Variants in NKAIN2 observed in about 807,000 individuals in gnomAD.
NKAIN2 encodes sodium/potassium transporting ATPase interacting 2.
Under a neutral mutation model 32.6 loss-of-function variants are expected in NKAIN2, and 14 were observed. That is an observed-to-expected ratio of 0.43 (90% confidence interval 0.28 to 0.67). NKAIN2 has a LOEUF of 0.67. Ranked by LOEUF, NKAIN2 falls within the 30% of genes least tolerant of loss-of-function variation. NKAIN2 has a pLI of 0.17. For synonymous variants in NKAIN2, 80 were observed against 87.2 expected (o/e 0.92, Z 0.46); for missense variants, 198 against 258.3 (o/e 0.77, Z 1.60).
chr6:124,717,587 T>G (rs970940111), intron 4 of NKAIN2, among the ~76,000 whole-genome samples: 1 of 152,144 alleles, frequency 6.6e-6, no homozygotes, highest in African/African-American at 2.4e-5. Context: ...AATTCCAGAA[T>G]GACAATAACA....
intron 3 of NKAIN2, among the ~76,000 whole-genome samples, chr6:124,411,510 C>T (rs1562166296): frequency 6.6e-6 from 1 of 152,142 alleles, no homozygotes; most frequent in Non-Finnish European, 1.5e-5. Flanking sequence ...AATATTGGCC[C>T]CCAGTCTCTT....
chr6:124,724,705 T>C (rs1776189944), intron 4 of NKAIN2, among the ~76,000 whole-genome samples: 1 of 152,258 alleles, frequency 6.6e-6, no homozygotes, highest in African/African-American at 2.4e-5. Flanking sequence ...ATGAGGATTA[T>C]GTTTCATTAA....
intron 1 of NKAIN2, among the ~76,000 whole-genome samples, chr6:124,024,943 C>T (rs148617209): frequency 2.2e-3 from 330 of 151,590 alleles, no homozygotes; most frequent in Middle Eastern, 0.017. Flanking sequence ...GCCAGGATGG[C>T]GCCACTGCTC....
At chr6:124,092,461 T>G (rs979439592) in intron 1 of NKAIN2, among the ~76,000 whole-genome samples, 3 of 152,122 alleles carry the variant, frequency 2.0e-5, no homozygotes, top group Admixed American at 2.0e-4. Context: ...TTCCTGTTGA[T>G]TTTTAAAAGG....
chr6:124,233,463 G>A (rs893396253), intron 1 of NKAIN2, among the ~76,000 whole-genome samples: 4 of 152,130 alleles, frequency 2.6e-5, no homozygotes, highest in African/African-American at 9.6e-5. Context: ...TGCTGCCAAA[G>A]CAAGATAACT....
intron 1 of NKAIN2, among the ~76,000 whole-genome samples, chr6:124,205,442 A>G (rs74760291): frequency 1.3e-5 from 2 of 151,798 alleles, no homozygotes; most frequent in East Asian, 3.9e-4. Context: ...TTCCTCATGC[A>G]TTTCTGAATA....
At chr6:123,965,987 C>A (rs183997385) in intron 1 of NKAIN2, among the ~76,000 whole-genome samples, 1 of 152,162 alleles carries the variant, frequency 6.6e-6, no homozygotes, top group African/African-American at 2.4e-5. Flanking sequence ...AGCTAGCTGG[C>A]CTGTCGTTCC....
chr6:124,345,935 A>G (rs1031378188), intron 2 of NKAIN2, among the ~76,000 whole-genome samples: 7 of 151,698 alleles, frequency 4.6e-5, no homozygotes, highest in Non-Finnish European at 4.4e-5. Context: ...TAGTGTGTCA[A>G]TTTTGGATCT....
At chr6:124,251,664 C>G (rs1187058401) in intron 1 of NKAIN2, among the ~76,000 whole-genome samples, 4 of 151,888 alleles carry the variant, frequency 2.6e-5, no homozygotes, top group Non-Finnish European at 5.9e-5. Context: ...ATAAAACCAC[C>G]AGATTGGCAA....
intron 1 of NKAIN2, among the ~76,000 whole-genome samples, chr6:123,972,235 A>G (rs1304770986): frequency 2.0e-5 from 3 of 152,228 alleles, no homozygotes; most frequent in Non-Finnish European, 4.4e-5. Flanking sequence ...GTAGGTTATT[A>G]GTAGTTAAGT....
intron 3 of NKAIN2, among the ~76,000 whole-genome samples, chr6:124,408,384 G>C (rs941109589): frequency 2.0e-5 from 3 of 152,158 alleles, no homozygotes; most frequent in African/African-American, 7.2e-5. Flanking sequence ...TGAGGTGTAA[G>C]GAAGGGATCC....
At chr6:124,567,404 C>G (rs1387496606) in intron 3 of NKAIN2, among the ~76,000 whole-genome samples, 1 of 152,112 alleles carries the variant, frequency 6.6e-6, no homozygotes, top group African/African-American at 2.4e-5. Context: ...CATTTTTAAC[C>G]TCCTATCTCC....
intron 1 of NKAIN2, among the ~76,000 whole-genome samples, chr6:124,015,695 A>T (rs149053661): frequency 8.3e-4 from 127 of 152,200 alleles, no homozygotes; most frequent in African/African-American, 3.0e-3. Flanking sequence ...TACTTATAAC[A>T]TCTCCTTTGA....
At chr6:124,656,378 C>T (rs1474746569) in intron 3 of NKAIN2, among the ~76,000 whole-genome samples, 1 of 151,014 alleles carries the variant, frequency 6.6e-6, no homozygotes, top group Non-Finnish European at 1.5e-5. Flanking sequence ...AAGTTGTATG[C>T]TTTGTGTTTC....
chr6:124,175,112 A>T (rs566465279), intron 1 of NKAIN2, among the ~76,000 whole-genome samples: 1 of 152,162 alleles, frequency 6.6e-6, no homozygotes, highest in South Asian at 2.1e-4. Context: ...TTGGGTTATC[A>T]AAAGGTGGGT....
chr6:123,854,797 A>C (rs1775494458), intron 1 of NKAIN2, among the ~76,000 whole-genome samples: 1 of 152,176 alleles, frequency 6.6e-6, no homozygotes, highest in African/African-American at 2.4e-5. Context: ...TCTGTGATGG[A>C]ATCAGAAGGT....
intron 5 of NKAIN2, among the ~76,000 whole-genome samples, chr6:124,807,313 C>A (rs939325710): frequency 6.6e-6 from 1 of 151,796 alleles, no homozygotes; most frequent in African/African-American, 2.4e-5. Context: ...TGCAATCAAA[C>A]TAGAACTCAG....
intron 1 of NKAIN2, among the ~76,000 whole-genome samples, chr6:124,266,846 A>C (rs1794514986): frequency 6.6e-6 from 1 of 152,218 alleles, no homozygotes; most frequent in Admixed American, 6.5e-5. Flanking sequence ...GTAGATATAT[A>C]GATGCACATA....
At chr6:124,144,387 A>G (rs146573231) in intron 1 of NKAIN2, among the ~76,000 whole-genome samples, 88 of 152,296 alleles carry the variant, frequency 5.8e-4, no homozygotes, top group Non-Finnish European at 9.7e-4. Context: ...TCAGTGAGAA[A>G]TTGTGGGCTA....
Sources: allele counts gnomAD v4.1 joint callset (sites outside exome capture counted in the v4.1 genomes callset), GRCh38; gene constraint gnomAD v4.1.1; transcripts MANE v1.5; gene names NCBI Gene and HGNC (gene_info 2026-07-23, HGNC 2026-07-21).